The following MAPK11 variants were observed in gnomAD, a reference collection of about 807,000 sequenced individuals.
MAPK11 encodes the protein mitogen-activated protein kinase 11.
MAPK11 carries 44 observed loss-of-function variants against 52.2 expected under a neutral mutation model. That is an observed-to-expected ratio of 0.84 (90% CI 0.66 to 1.08). The LOEUF is 1.08. Among genes scored for constraint, MAPK11 ranks in the 50% least tolerant of loss-of-function variants. The pLI, the probability that MAPK11 is intolerant of heterozygous loss-of-function variation, is 0.00. For missense variants in MAPK11, 436 were observed against 494.7 expected (o/e 0.88, Z 1.13); for synonymous variants, 233 against 206.3 (o/e 1.13, Z -1.11).
chr22:50,267,020 G>C lies in MAPK11; in HGVS notation c.524C>G (p.Ala175Gly). 3 of 1,612,274 alleles carry C rather than the reference G, an allele frequency of 1.9e-6. No individual in the cohort carries two copies. The highest frequency in any genetic ancestry group is 2.5e-6 in the Non-Finnish European group (3 of 1,179,614). ...RILDFGLARQ[A>G]DEEMTGYVAT... ...CACATAGCCGGTCATCTCCTCGTCC[G>C]CCTGGCGCGCCAGCCCAAAATCCAG... Residue 175 changes from alanine (A) to glycine (G), a missense_variant, in exon 7 of 12, where the codon GCG becomes GGG. By Grantham distance (60) the Ala-to-Gly change is moderately conservative. Coordinates refer to ENST00000330651, the MANE Select transcript of MAPK11 (RefSeq NM_002751.7).
At chr22:50,267,318 C>T in intron 4 of MAPK11, 32 bp from the exon 5 acceptor site, 2 of 1,115,744 alleles carry the variant, frequency 1.8e-6, no homozygotes, top group Non-Finnish European at 2.6e-6. Flanking sequence ...GAGCGCCGGG[C>T]CCGGCCCGCC....
chr22:50,265,857 TG>T (rs1254850544), intron 9 of MAPK11, among the ~76,000 whole-genome samples, 197 bp from the exon 10 acceptor site: 1 of 149,360 alleles, frequency 6.7e-6, no homozygotes, highest in Non-Finnish European at 1.5e-5. Context: ...CTGCAGGAGC[TG>T]GGTCCAAGTA....
chr22:50,267,756 T>A, intron 2 of MAPK11, 64 bp downstream of exon 2: 1 of 1,343,542 alleles, frequency 7.4e-7, no homozygotes, highest in Non-Finnish European at 1.0e-6. Context: ...CTCGCCCGCC[T>A]ATTGGCTGCG....
At position 50,265,637 on chromosome 22, in the gene MAPK11, C is replaced by T; in HGVS notation, c.786G>A (p.Leu262=). 2 of 1,596,774 alleles carry T rather than the reference C, an allele frequency of 1.3e-6. No individual in the cohort carries two copies. Among genetic ancestry groups the T allele is most frequent in the Non-Finnish European group, 1.7e-6 (2 of 1,170,798 alleles). Residue 262 remains leucine, a synonymous_variant, in exon 10 of 12, where the codon CTG becomes CTA. Coordinates refer to ENST00000330651, the MANE Select transcript of MAPK11 (RefSeq NM_002751.7). ...SEHARTYIQS[L]PPMPQKDLSS... is the part of the protein sequence containing the mutation. ...TCAGGTCCTTCTGGGGCATGGGGGG[C>T]AGGGACTGGATATATGTCCGGGCCT...
Position 50,269,711 on chromosome 22 carries a change from A to C in MAPK11, c.116+466T>G, listed in dbSNP as rs13053253. ...GTCTGAGGCCATCCCAGGGGGAGAG[A>C]TCTTGGCTTCCGGGAGCGGGGCTTC... On this transcript the variant is annotated intron_variant, in intron 1 of 11. Coordinates refer to ENST00000330651, the MANE Select transcript of MAPK11 (RefSeq NM_002751.7). Among the ~76,000 whole-genome samples the C allele has an allele frequency of 7.7e-3, 1,176 of 152,096 alleles. 17 individuals carry two copies. Among genetic ancestry groups the C allele is most frequent in the African/African-American group, 0.027 (1,116 of 41,500 alleles).
chr22:50,269,318 T>C (rs2065289836), intron 1 of MAPK11, among the ~76,000 whole-genome samples: 1 of 151,832 alleles, frequency 6.6e-6, no homozygotes, highest in African/African-American at 2.4e-5. Context: ...CCAAATCTGG[T>C]GGGCCTAGAG....
In MAPK11 at chr22:50,264,190, G is replaced by A. The variant is rs1357103727; in HGVS notation, c.*758C>T. The A allele has an allele frequency of 6.6e-6, 1 of 152,288 alleles. No homozygotes were observed. Among genetic ancestry groups the A allele is most frequent in the Non-Finnish European group, 1.5e-5 (1 of 68,088 alleles). 9.4% of individuals were successfully genotyped at this position (152,288 alleles called of 1,614,324 possible). On this transcript the variant is annotated 3_prime_UTR_variant, in exon 12 of 12. Coordinates refer to ENST00000330651, the MANE Select transcript of MAPK11 (RefSeq NM_002751.7). ...CACCCCTCAAGGCATCAGGAACCGAGGAGAGGGAAGGCAACAGCACACCCA... is the reference window on the plus strand; with the variant it reads ...CACCCCTCAAGGCATCAGGAACCGAAGAGAGGGAAGGCAACAGCACACCCA...
At position 50,269,559 on chromosome 22, in the gene MAPK11, AC is replaced by A. The variant is rs559977390; in HGVS notation, c.116+617del. ...ACCCTAAGCCCCTCCAGCCCTGGCT[AC>A]CCGGGTCTAACAGAGACCTTGGCCC... On this transcript the variant is annotated intron_variant, in intron 1 of 11. Coordinates refer to ENST00000330651, the MANE Select transcript of MAPK11 (RefSeq NM_002751.7). Among the ~76,000 whole-genome samples, 23 of 152,258 alleles carry A rather than the reference AC, an allele frequency of 1.5e-4. 1 individual carries two copies. Among genetic ancestry groups the A allele is most frequent in the African/African-American group, 5.1e-4 (21 of 41,542 alleles).
chr22:50,267,045 G>C lies in MAPK11; in HGVS notation c.499C>G (p.Leu167Val). The change falls in exon 7 of 12, where the codon CTG (leucine) becomes GTG (valine). Residue 167 changes from leucine (L) to valine (V), a missense_variant. Leu to Val is a conservative substitution (Grantham distance 32). Coordinates refer to ENST00000330651, the MANE Select transcript of MAPK11 (RefSeq NM_002751.7). ...AVNEDCELRI[L>V]DFGLARQADE... ...GCCTGGCGCGCCAGCCCAAAATCCA[G>C]GATCTGGGGCGACCACGTGGTGTTC... 3 of 1,612,002 alleles carry C rather than the reference G, an allele frequency of 1.9e-6. No individual in the cohort carries two copies. Among genetic ancestry groups the C allele is most frequent in the Non-Finnish European group, 2.5e-6 (3 of 1,179,440 alleles).
At chr22:50,265,544 C>T in intron 10 of MAPK11, 38 bp downstream of exon 10, 1 of 1,612,174 alleles carries the variant, frequency 6.2e-7, no homozygotes, top group South Asian at 1.1e-5. Flanking sequence ...CATCCAGGGC[C>T]AGATATGGAG....
At chr22:50,267,325 C>T (rs757406649) in intron 4 of MAPK11, 39 bp from the exon 5 acceptor site, 17 of 1,523,902 alleles carry the variant, frequency 1.1e-5, no homozygotes, top group African/African-American at 1.4e-5. Flanking sequence ...GGGCCCGGCC[C>T]GCCCGCCCCC....
chr22:50,267,847 C>G lies in MAPK11; in HGVS notation c.219G>C (p.Arg73=), dbSNP rs755531403. The G allele has an allele frequency of 6.3e-7, 1 of 1,579,058 alleles. No homozygotes were observed. The highest frequency in any genetic ancestry group is 1.2e-5 in the South Asian group (1 of 86,538). The change falls in exon 2 of 12, where the codon CGG becomes CGC. Residue 73 remains arginine (R), a synonymous_variant. Coordinates refer to ENST00000330651, the MANE Select transcript of MAPK11 (RefSeq NM_002751.7). ...IHARRTYREL[R]LLKHLKHENV... is the part of the protein sequence containing the mutation. ...TCTCGTGCTTCAGGTGCTTGAGCAG[C>G]CGCAGCTCCCGGTACGTTCTGCGCG...
Position 50,264,804 on chromosome 22 carries a change from G to A in MAPK11, c.*144C>T. Reference sequence around the variant, plus strand: ...GTTTGTGCATGCATACATGCGTGTAGATTCTCCTGAAGGCGAGGGGTCCTA... The same window carrying A: ...GTTTGTGCATGCATACATGCGTGTAAATTCTCCTGAAGGCGAGGGGTCCTA... On this transcript the variant is annotated 3_prime_UTR_variant, in exon 12 of 12. Coordinates refer to ENST00000330651, the MANE Select transcript of MAPK11 (RefSeq NM_002751.7). 3.2e-6 allele frequency: 2 copies of A among 620,094 alleles called. No homozygotes were observed. The highest frequency in any genetic ancestry group is 3.9e-5 in the South Asian group (2 of 51,454). 38.4% of individuals were successfully genotyped at this position (620,094 alleles called of 1,614,324 possible).
In MAPK11 at chr22:50,267,818, A is replaced by C. The variant is rs1179317295; in HGVS notation, c.246+2T>G. On this transcript the variant is annotated splice_donor_variant, in intron 2 of 11. Coordinates refer to ENST00000330651, the MANE Select transcript of MAPK11 (RefSeq NM_002751.7). LOFTEE classifies it high-confidence loss of function. Reference sequence around the variant, plus strand: ...TCCCCCCACGGCCCTCCCCCGGCTCACGTTCTCGTGCTTCAGGTGCTTGAG... The same window carrying C: ...TCCCCCCACGGCCCTCCCCCGGCTCCCGTTCTCGTGCTTCAGGTGCTTGAG... 1.3e-6 allele frequency: 2 copies of C among 1,531,032 alleles called. No homozygotes were observed. The highest frequency in any genetic ancestry group is 1.2e-5 in the South Asian group (1 of 82,022). 94.8% of individuals were successfully genotyped at this position (1,531,032 alleles called of 1,614,324 possible). A position where few individuals can be genotyped will look rare whatever the true frequency, so the allele number is the denominator to read the frequency against.
intron 1 of MAPK11, among the ~76,000 whole-genome samples, chr22:50,269,181 G>A (rs1240319282): frequency 6.6e-6 from 1 of 152,150 alleles, no homozygotes; most frequent in Non-Finnish European, 1.5e-5. Context: ...GTCTCAAAGA[G>A]GAAGACAGAT....
Position 50,266,942 on chromosome 22 carries a change from T to C in MAPK11, c.602A>G (p.Asn201Ser). 6.2e-7 allele frequency: 1 copy of C among 1,609,594 alleles called. No homozygotes were observed. Among genetic ancestry groups the C allele is most frequent in the Admixed American group, 1.7e-5 (1 of 60,006 alleles). ...PEIMLNWMHY[N>S]QTVDIWSVGC... ...AGGCCTTCCCCCTGCACCTGTTTGG[T>C]TGTAATGCATCCAGTTGAGCATGAT... The change falls in exon 7 of 12, where the codon AAC becomes AGC. Residue 201 changes from asparagine (N) to serine (S), a missense_variant. Asn to Ser is a conservative substitution (Grantham distance 46, BLOSUM62 1). Transcript: ENST00000330651.
chr22:50,268,357 G>C (rs999976529), intron 1 of MAPK11, among the ~76,000 whole-genome samples: 2 of 152,174 alleles, frequency 1.3e-5, no homozygotes, highest in African/African-American at 4.8e-5. Context: ...AGACCCCATG[G>C]GCCCAGGAGG....
Position 50,267,625 on chromosome 22 carries a change from G to A in MAPK11, c.249C>T (p.Val83=), listed in dbSNP as rs754678241. ...RLLKHLKHEN[V]IGLLDVFTPA... ...GCGTGAAGACGTCCAGAAGCCCGATGACCTAGGTGGCGGGGGGCGTCAGGG... is the reference window on the plus strand; with the variant it reads ...GCGTGAAGACGTCCAGAAGCCCGATAACCTAGGTGGCGGGGGGCGTCAGGG... Residue 83 remains valine, a splice_region_variant and synonymous_variant, in exon 3 of 12, where the codon GTC becomes GTT. Transcript: ENST00000330651. The A allele has an allele frequency of 6.5e-7, 1 of 1,539,368 alleles. No homozygotes were observed. Among genetic ancestry groups the A allele is most frequent in the Non-Finnish European group, 8.7e-7 (1 of 1,143,656 alleles).
Position 50,265,668 on chromosome 22 carries a change from C to T in MAPK11, c.763-8G>A. ...CTGGATATATGTCCGGGCCTGGGGG[C>T]ACACAAGAACACCTGGGGAGGCTGC... is the stretch of plus-strand genomic sequence containing the variant. On this transcript the variant is annotated splice_region_variant and splice_polypyrimidine_tract_variant and intron_variant, in intron 9 of 11. Coordinates refer to ENST00000330651, the MANE Select transcript of MAPK11 (RefSeq NM_002751.7). 1.3e-6 allele frequency: 2 copies of T among 1,515,856 alleles called. No individual in the cohort carries two copies. Among genetic ancestry groups the T allele is most frequent in the Non-Finnish European group, 9.0e-7 (1 of 1,117,262 alleles). 93.9% of individuals were successfully genotyped at this position (1,515,856 alleles called of 1,614,324 possible). A position where few individuals can be genotyped will look rare whatever the true frequency, so the allele number is the denominator to read the frequency against.
Sources: allele counts gnomAD v4.1 joint callset (sites outside exome capture counted in the v4.1 genomes callset), GRCh38; gene constraint gnomAD v4.1.1; transcripts MANE v1.5; gene names NCBI Gene and HGNC (gene_info 2026-07-23, HGNC 2026-07-21).